DUOX2: variants seen among roughly 807,000 people sequenced by gnomAD.
The protein encoded by DUOX2 is NADH/NADPH thyroid oxidase p138-tox.
DUOX2 carries 185 observed loss-of-function variants against 183.3 expected under a neutral mutation model. The observed-to-expected ratio is 1.01, with a 90% CI of 0.90 to 1.14. DUOX2 has a LOEUF of 1.14. DUOX2 is among the 50% of genes most tolerant of loss of function. DUOX2 has a pLI of 0.00. For synonymous variants in DUOX2, 788 were observed against 812.4 expected, an observed-to-expected ratio of 0.97 and a Z score of 0.51; for missense variants, 1,999 against 2,022.9, an observed-to-expected ratio of 0.99 and a Z score of 0.23.
At chr15:45,101,630 G>A (rs2141146239) in intron 21 of DUOX2, 163 bp downstream of exon 21, 1 of 857,436 alleles carries the variant, frequency 1.2e-6, no homozygotes. Flanking sequence ...TGTGCATTAG[G>A]CAACTTGCAC....
At chr15:45,101,343 CCCT>C in intron 21 of DUOX2, 69 bp from the exon 22 acceptor site, 1 of 1,348,698 alleles carries the variant, frequency 7.4e-7, no homozygotes, top group Non-Finnish European at 1.1e-6. Flanking sequence ...GGAGACTGTG[CCCT>C]CCTCCCTTCT....
chr15:45,099,663 G>C lies in DUOX2; in HGVS notation c.3414C>G (p.Ala1138=). 1 of 1,614,094 alleles carries C rather than the reference G, an allele frequency of 6.2e-7. No individual in the cohort carries two copies. Among genetic ancestry groups the C allele is most frequent in the Non-Finnish European group, 8.5e-7 (1 of 1,179,970 alleles). Residue 1138 remains alanine, a splice_region_variant and synonymous_variant, in exon 25 of 34, where the codon GCC becomes GCG. Coordinates refer to ENST00000389039, the MANE Select transcript of DUOX2 (RefSeq NM_001363711.2). ...RWIAMAAVVL[A]ILHSAGHAVN... ...GGAAGAAGCCTGGGAGTCACGTACT[G>C]GCCAGGACAACAGCAGCCATGGCGA...
At chr15:45,113,648 G>C (rs952368257) in intron 1 of DUOX2, among the ~76,000 whole-genome samples, 1 of 152,072 alleles carries the variant, frequency 6.6e-6, no homozygotes, top group East Asian at 1.9e-4. Context: ...TTCCCCATCC[G>C]CCACCCCATC....
At position 45,100,614 on chromosome 15, in the gene DUOX2, G is replaced by A. The variant is rs76356689; in HGVS notation, c.3005+141C>T. ...AGAGGATGAAAAGTCATTCAACACTGTAACCTCTCAGTCAGGTCAGGAACA... is the reference window on the plus strand; with the variant it reads ...AGAGGATGAAAAGTCATTCAACACTATAACCTCTCAGTCAGGTCAGGAACA... On this transcript the variant is annotated intron_variant, in intron 23 of 33. Transcript: ENST00000389039. 11,941 of 821,342 alleles carry A rather than the reference G, an allele frequency of 0.015. 609 individuals are homozygous for A. Among genetic ancestry groups the A allele is most frequent in the African/African-American group, 0.13 (7,695 of 59,728 alleles). The allele number at this position is 821,342 out of a possible 1,614,324, so 50.9% of individuals were successfully genotyped here.
intron 5 of DUOX2, 27 bp downstream of exon 5, chr15:45,111,741 C>T: frequency 3.3e-6 from 5 of 1,532,082 alleles, no homozygotes; most frequent in Non-Finnish European, 4.4e-6. Flanking sequence ...GGGGTGCGGT[C>T]CCTTCCCGCC....
chr15:45,096,103 C>A, intron 29 of DUOX2, 43 bp from the exon 30 acceptor site: 1 of 1,539,572 alleles, frequency 6.5e-7, no homozygotes, highest in African/African-American at 1.4e-5. Context: ...AGAAGGCCTG[C>A]TCCTGGTACC....
chr15:45,108,312 C>T (rs181370421), intron 12 of DUOX2, 90 bp from the exon 13 acceptor site: 20 of 1,470,872 alleles, frequency 1.4e-5, no homozygotes, highest in Middle Eastern at 3.5e-4. Flanking sequence ...GAACCTCAGC[C>T]GCTGCCTGGC....
chr15:45,107,084 C>A (rs981371710), intron 14 of DUOX2, 115 bp from the exon 15 acceptor site: 103 of 1,438,370 alleles, frequency 7.2e-5, no homozygotes, highest in Non-Finnish European at 9.7e-5. Flanking sequence ...CCAGGCCCAC[C>A]TCCCTGAAAC....
intron 20 of DUOX2, among the ~76,000 whole-genome samples, chr15:45,102,447 G>A (rs1009503904): frequency 3.9e-5 from 6 of 152,184 alleles, no homozygotes; most frequent in Admixed American, 2.6e-4. Context: ...CCAACACCCC[G>A]GGGCACAGGC....
rs138926644 is a variant in DUOX2, at chr15:45,101,940, C to T, written c.2704G>A (p.Glu902Lys). The change falls in exon 21 of 34, where the codon GAG becomes AAG. Residue 902 changes from glutamate (E) to lysine (K), a missense_variant. Around this residue, in one of 3 missense-constraint regions of DUOX2, gnomAD observed 1,628 missense variants for 1,608.6 expected, o/e 1.01. Transcript: ENST00000389039. ...NNCLSKAQLAEVVESMFRESG... is the reference protein window; with the variant it reads ...NNCLSKAQLAKVVESMFRESG... Reference sequence around the variant, plus strand: ...TCCCGGAACATAGACTCCACCACCTCGGCCAGCTGGGCCTTGGACAGGCAG... The same window carrying T: ...TCCCGGAACATAGACTCCACCACCTTGGCCAGCTGGGCCTTGGACAGGCAG... 542 of 1,614,212 alleles carry T rather than the reference C, an allele frequency of 3.4e-4. 4 individuals carry two copies. In the African/African-American group the frequency reaches 6.5e-3, roughly 19 times the overall value.
intron 20 of DUOX2, among the ~76,000 whole-genome samples, chr15:45,102,201 C>A (rs147298434): frequency 1.3e-5 from 2 of 152,214 alleles, no homozygotes; most frequent in African/African-American, 4.8e-5. Context: ...GTGACCTTGA[C>A]CAATCAGAGA....
chr15:45,110,126 T>A, intron 9 of DUOX2, 146 bp from the exon 10 acceptor site: 2 of 809,898 alleles, frequency 2.5e-6, no homozygotes, highest in Non-Finnish European at 4.3e-6. Context: ...TTTGGTGATG[T>A]GCGTTTACTG....
In DUOX2 at chr15:45,095,939, C is replaced by A; in HGVS notation, c.3969G>T (p.Ala1323=). 6.2e-7 allele frequency: 1 copy of A among 1,613,482 alleles called. No individual in the cohort carries two copies. Among genetic ancestry groups the A allele is most frequent in the Non-Finnish European group, 8.5e-7 (1 of 1,179,894 alleles). ...GCAGGCTGAGTGTGTCCTCATGGGG[C>A]GCGGAGGTCAGTGTGAAGGGGTGGT... ...TEYHPFTLTS[A]PHEDTLSLHI... is the part of the protein sequence containing the mutation. The change falls in exon 30 of 34, where the codon GCG becomes GCT. Residue 1323 remains alanine (A), a synonymous_variant. Coordinates refer to ENST00000389039, the MANE Select transcript of DUOX2 (RefSeq NM_001363711.2).
chr15:45,105,346 A>G (rs1894183114), intron 18 of DUOX2, among the ~76,000 whole-genome samples: 3 of 152,334 alleles, frequency 2.0e-5, no homozygotes, highest in South Asian at 4.1e-4. Context: ...CCAGAGGCCA[A>G]CCTCTGTGTA....
At chr15:45,097,512 CAA>C in intron 28 of DUOX2, 100 bp downstream of exon 28, 1 of 1,612,454 alleles carries the variant, frequency 6.2e-7, no homozygotes, top group African/African-American at 1.3e-5. Context: ...TCTTAAATCT[CAA>C]AGTCTCATTC....
rs370110153 is a variant in DUOX2, at chr15:45,110,490, C to A, written c.978G>T (p.Pro326=). The A allele has an allele frequency of 1.1e-5, 17 of 1,613,984 alleles. No homozygotes were observed. The East Asian group carries it at 3.8e-4, about 36-fold the overall frequency. Residue 326 remains proline (P), a synonymous_variant, in exon 9 of 34, where the codon CCG becomes CCT. Coordinates refer to ENST00000389039, the MANE Select transcript of DUOX2 (RefSeq NM_001363711.2). The stretch of plus-strand genomic sequence containing the variant: ...ACTGCTCAGAGGCCACCACAAATTC[C>A]GGGGAGATGCTGGGGTCTAGGAAAG... ...YRPFLDPSIS[P]EFVVASEQFF...
chr15:45,108,737 G>A, intron 12 of DUOX2, 52 bp downstream of exon 12: 1 of 1,577,156 alleles, frequency 6.3e-7, no homozygotes, highest in Non-Finnish European at 8.7e-7. Flanking sequence ...GTTTGGAACA[G>A]TATTGCCATA....
At chr15:45,096,788 A>G (rs1893912284) in intron 29 of DUOX2, among the ~76,000 whole-genome samples, 1 of 152,200 alleles carries the variant, frequency 6.6e-6, no homozygotes, top group Non-Finnish European at 1.5e-5. Context: ...ACATAAAATC[A>G]TCTTTTGCCA....
intron 11 of DUOX2, 21 bp downstream of exon 11, chr15:45,109,498 TCCACC>T (rs1418939526): frequency 6.2e-7 from 1 of 1,609,712 alleles, no homozygotes; most frequent in African/African-American, 1.3e-5. Flanking sequence ...TCCCTTACCA[TCCACC>T]CCTTCTGGCT....
Sources: gnomAD v4.1 joint callset for allele counts (sites outside exome capture counted in the v4.1 genomes callset) on GRCh38, gnomAD v4.1.1 for gene constraint, gnomAD v4.1.1 regional missense constraint, MANE v1.5 for transcripts, NCBI Gene and HGNC (gene_info 2026-07-23, HGNC 2026-07-21) for gene names.